RABGAP1L: variants seen among roughly 807,000 people sequenced by gnomAD.
RABGAP1L encodes RAB GTPase activating protein 1 like, also known as rab GTPase-activating protein 1-like.
In RABGAP1L, 63 loss-of-function variants were observed where a neutral mutation model predicts 137.7. The observed-to-expected ratio is 0.46, with a 90% CI of 0.37 to 0.56. The LOEUF is 0.56. RABGAP1L is among the 20% of genes least tolerant of loss of function. RABGAP1L has a pLI of 0.00. For missense variants in RABGAP1L, 1,095 were observed against 1,244.0 expected (o/e 0.88, Z 1.80); for synonymous variants, 431 against 433.7 (o/e 0.99, Z 0.08).
chr1:174,830,413 T>C (rs987865876), intron 19 of RABGAP1L, among the ~76,000 whole-genome samples: 2 of 148,458 alleles, frequency 1.3e-5, no homozygotes, highest in Non-Finnish European at 3.0e-5. Context: ...TTTATTTTTA[T>C]TTATAATGTG....
chr1:174,604,102 G>GCA (rs1670608127), intron 13 of RABGAP1L, among the ~76,000 whole-genome samples: 1 of 152,002 alleles, frequency 6.6e-6, no homozygotes, highest in Non-Finnish European at 1.5e-5. Context: ...TCAGGGTCCA[G>GCA]CACAGCACCA....
rs999036630 is a variant in RABGAP1L, at chr1:174,635,550, T to G, written c.1711-1825T>G. 2.6e-5 allele frequency among the ~76,000 whole-genome samples: 4 copies of G among 152,154 alleles called. No homozygotes were observed. The East Asian group carries it at 7.7e-4, about 29-fold the overall frequency. ...CTTATTCTATACCCCCACCCCACCC[T>G]GCAGTTTTCTTTATCATTAGAAACT... On this transcript the variant is annotated intron_variant, in intron 13 of 25. Transcript: ENST00000681986.
intron 12 of RABGAP1L, among the ~76,000 whole-genome samples, chr1:174,390,957 G>A (rs1368967867): frequency 2.0e-5 from 3 of 152,118 alleles, no homozygotes; most frequent in Non-Finnish European, 4.4e-5. Flanking sequence ...GAAAGAAAAG[G>A]GCAAGAGTAA....
intron 13 of RABGAP1L, among the ~76,000 whole-genome samples, chr1:174,446,460 C>T (rs942821958): frequency 2.6e-5 from 4 of 152,256 alleles, no homozygotes; most frequent in African/African-American, 9.6e-5. Context: ...GTTATTTCTT[C>T]AAAAGATAGG....
At chr1:174,883,468 G>A (rs1357848442) in intron 19 of RABGAP1L, among the ~76,000 whole-genome samples, 1 of 152,150 alleles carries the variant, frequency 6.6e-6, no homozygotes, top group African/African-American at 2.4e-5. Context: ...GGGTTACCCT[G>A]GAGAATTACT....
chr1:174,602,675 A>G (rs1007863348), intron 13 of RABGAP1L, among the ~76,000 whole-genome samples: 1 of 152,074 alleles, frequency 6.6e-6, no homozygotes, highest in Admixed American at 6.5e-5. Context: ...TTTCAGATAC[A>G]TGTCTTCAAG....
At chr1:174,306,749 C>T (rs962835037) in intron 11 of RABGAP1L, among the ~76,000 whole-genome samples, 1 of 152,018 alleles carries the variant, frequency 6.6e-6, no homozygotes, top group East Asian at 1.9e-4. Flanking sequence ...ATGGTTGCTG[C>T]TGAGCAATAA....
intron 11 of RABGAP1L, among the ~76,000 whole-genome samples, chr1:174,349,288 T>C: frequency 2.0e-5 from 2 of 98,878 alleles, no homozygotes; most frequent in African/African-American, 4.3e-5. Flanking sequence ...GGCTCCTCAC[T>C]TCCCAGTAGG....
At chr1:174,608,431 A>C (rs2148198109) in intron 13 of RABGAP1L, among the ~76,000 whole-genome samples, 1 of 152,314 alleles carries the variant, frequency 6.6e-6, no homozygotes, top group South Asian at 2.1e-4. Context: ...AAAAAGTATT[A>C]TATAAGTATA....
At chr1:174,946,917 A>AATAT (rs1229002557) in intron 19 of RABGAP1L, among the ~76,000 whole-genome samples, 13 of 59,820 alleles carry the variant, frequency 2.2e-4, no homozygotes, top group South Asian at 6.4e-4. Context: ...AAAAAAAAAA[A>AATAT]ATATATATAT....
At chr1:174,291,212 C>G (rs1328562657) in intron 10 of RABGAP1L, among the ~76,000 whole-genome samples, 1 of 151,926 alleles carries the variant, frequency 6.6e-6, no homozygotes, top group Non-Finnish European at 1.5e-5. Flanking sequence ...AAATATTTTT[C>G]TGCATCTTTG....
chr1:174,303,423 T>C (rs1054546151), intron 10 of RABGAP1L, among the ~76,000 whole-genome samples: 1 of 152,180 alleles, frequency 6.6e-6, no homozygotes, highest in African/African-American at 2.4e-5. Context: ...TATCAGCATA[T>C]TGTACTTTGT....
chr1:174,906,425 C>T (rs973805552), intron 19 of RABGAP1L, among the ~76,000 whole-genome samples: 8 of 151,966 alleles, frequency 5.3e-5, no homozygotes, highest in Admixed American at 1.3e-4. Flanking sequence ...GTCAGGAGTT[C>T]GAGACTAGCC....
At chr1:174,189,048 C>T (rs1253544449) in intron 1 of RABGAP1L, among the ~76,000 whole-genome samples, 2 of 152,112 alleles carry the variant, frequency 1.3e-5, no homozygotes, top group Non-Finnish European at 2.9e-5. Flanking sequence ...CTCTGTTGCC[C>T]AGGCTGGAGA....
At position 174,623,846 on chromosome 1, in the gene RABGAP1L, G is replaced by A. The variant is rs544023769; in HGVS notation, c.1711-13529G>A. On this transcript the variant is annotated intron_variant, in intron 13 of 25. Coordinates refer to ENST00000681986, the MANE Select transcript of RABGAP1L (RefSeq NM_001366446.1). ...CCCTCATCAGGCATGATGTTCCATG[G>A]GCTAGAAGTCACCTATTACTAGCCA... Among the ~76,000 whole-genome samples, 12 of 152,204 alleles carry A rather than the reference G, an allele frequency of 7.9e-5. 1 individual carries two copies. The highest frequency in any genetic ancestry group is 2.9e-4 in the African/African-American group (12 of 41,526).
chr1:174,544,559 G>T (rs912351939), intron 13 of RABGAP1L, among the ~76,000 whole-genome samples: 1 of 152,104 alleles, frequency 6.6e-6, no homozygotes, highest in African/African-American at 2.4e-5. Context: ...CTTTAGCTCG[G>T]ATAAGTTCGT....
In RABGAP1L at chr1:174,349,786, C is replaced by T. The variant is rs1052941609; in HGVS notation, c.1466-21193C>T. Among the ~76,000 whole-genome samples the T allele has an allele frequency of 4.7e-4, 59 of 124,916 alleles. No individual in the cohort carries two copies. In the East Asian group the frequency reaches 0.013, roughly 28 times the overall value. 81.9% of individuals were successfully genotyped at this position (124,916 alleles called of 152,430 possible). On this transcript the variant is annotated intron_variant, in intron 11 of 25. Coordinates refer to ENST00000681986, the MANE Select transcript of RABGAP1L (RefSeq NM_001366446.1). ...GGCGGCTGGCCGGGCAGAGGGGCTCCTCACTTCCCAGTAGGGGCGGCCGGG... is the reference window on the plus strand; with the variant it reads ...GGCGGCTGGCCGGGCAGAGGGGCTCTTCACTTCCCAGTAGGGGCGGCCGGG...
chr1:174,409,323 C>T (rs12070095), intron 13 of RABGAP1L, among the ~76,000 whole-genome samples: 53,518 of 151,968 alleles, frequency 0.35, 12,077 homozygotes, highest in African/African-American at 0.64. Context: ...ATTTATCAGT[C>T]CCCAAATAAT....
chr1:174,444,460 T>C (rs1654509307), intron 13 of RABGAP1L, among the ~76,000 whole-genome samples: 1 of 152,090 alleles, frequency 6.6e-6, no homozygotes. Flanking sequence ...CCTCACAGAA[T>C]GAGTTTGGAA....
Sources: allele counts gnomAD v4.1 joint callset (sites outside exome capture counted in the v4.1 genomes callset), GRCh38; gene constraint gnomAD v4.1.1; transcripts MANE v1.5; gene names NCBI Gene and HGNC (gene_info 2026-07-23, HGNC 2026-07-21).